AARS1: variants seen among roughly 807,000 people sequenced by gnomAD.
AARS1 encodes alanine--tRNA ligase, cytoplasmic.
Under a neutral mutation model 108.9 loss-of-function variants are expected in AARS1, and 72 were observed. The observed-to-expected ratio is 0.66, with a 90% confidence interval of 0.55 to 0.80. The LOEUF (loss-of-function observed/expected upper bound fraction) is 0.80. Ranked by LOEUF, AARS1 falls within the 30% of genes least tolerant of loss-of-function variation. AARS1 has a pLI of 0.00. For missense variants in AARS1, 1,193 were observed against 1,233.2 expected (o/e 0.97, Z 0.49); for synonymous variants, 489 against 465.7 (o/e 1.05, Z -0.64).
chr16:70,265,841 A>G (rs1173247781), intron 9 of AARS1, among the ~76,000 whole-genome samples, 179 bp from the exon 10 acceptor site: 1 of 152,222 alleles, frequency 6.6e-6, no homozygotes, highest in East Asian at 1.9e-4. Context: ...GGGAAGCACA[A>G]TGGATGTCCT....
chr16:70,282,888 G>T, intron 1 of AARS1, 104 bp from the exon 2 acceptor site: 1 of 1,154,804 alleles, frequency 8.7e-7, no homozygotes, highest in Non-Finnish European at 1.3e-6. Context: ...GCACGACTCA[G>T]GTGAGCTGTT....
chr16:70,266,301 A>C (rs948635318), intron 9 of AARS1, among the ~76,000 whole-genome samples: 2 of 148,982 alleles, frequency 1.3e-5, no homozygotes, highest in Non-Finnish European at 3.0e-5. Context: ...GCGACAGAGC[A>C]AGACTCTGTC....
At chr16:70,274,784 G>A (rs946384084) in intron 4 of AARS1, among the ~76,000 whole-genome samples, 1 of 151,860 alleles carries the variant, frequency 6.6e-6, no homozygotes, top group African/African-American at 2.4e-5. Flanking sequence ...ATACACACAA[G>A]GTTACAGAAC....
chr16:70,261,352 T>C (rs921874724), intron 12 of AARS1, 195 bp from the exon 13 acceptor site: 27 of 450,788 alleles, frequency 6.0e-5, no homozygotes, highest in Admixed American at 1.4e-4. Context: ...TCCCAGCACT[T>C]TGGGAGGCTC....
chr16:70,271,080 C>G (rs1477027765), intron 5 of AARS1, among the ~76,000 whole-genome samples: 2 of 151,914 alleles, frequency 1.3e-5, no homozygotes. Context: ...CAGGCTGAGG[C>G]AGGAGAATCG....
Position 70,277,140 on chromosome 16 carries a change from G to A in AARS1, c.159C>T (p.Phe53=). 6.2e-7 allele frequency: 1 copy of A among 1,614,162 alleles called. No individual in the cohort carries two copies. The highest frequency in any genetic ancestry group is 8.5e-7 in the Non-Finnish European group (1 of 1,180,042). The part of the protein sequence containing the change: ...NAGMNQFKPI[F]LNTIDPSHPM... The stretch of plus-strand genomic sequence containing the variant: ...GGTGAGATGGGTCAATTGTGTTCAG[G>A]AAAATGGGTTTAAACTAAAAGAGAA... Residue 53 remains phenylalanine, a synonymous_variant, in exon 3 of 21, where the codon TTC becomes TTT. Transcript: ENST00000261772.
Position 70,276,517 on chromosome 16 carries a change from G to T in AARS1, c.448C>A (p.Leu150Met), listed in dbSNP as rs375771906. The stretch of plus-strand genomic sequence containing the variant: ...TTTTGCCAGATCTGTTTGCATTCCA[G>T]ATCTGCTTCTAAGCCAGCTGCTTCA... ...GDEAAGLEAD[L>M]ECKQIWQNLG... Residue 150 changes from leucine (L) to methionine (M), a missense_variant, in exon 4 of 21, where the codon CTG becomes ATG. Transcript: ENST00000261772. 1.2e-6 allele frequency: 2 copies of T among 1,613,966 alleles called. No individual in the cohort carries two copies. Among genetic ancestry groups the T allele is most frequent in the Non-Finnish European group, 1.7e-6 (2 of 1,180,036 alleles).
At chr16:70,282,534 C>G in intron 2 of AARS1, 86 bp downstream of exon 2, 1 of 1,520,090 alleles carries the variant, frequency 6.6e-7, no homozygotes, top group East Asian at 2.3e-5. Flanking sequence ...GAACCAGAAT[C>G]GGTCTGACCC....
At position 70,253,790 on chromosome 16, in the gene AARS1, TTC is replaced by T; in HGVS notation, c.2529_2530del (p.Lys844AspfsTer29). ...GTTGCTGTCGATGAACTGCTTCGTCTTCTCTAACACCTGCAAGAAAAAAGTCC... is the reference window on the plus strand; with the variant it reads ...GTTGCTGTCGATGAACTGCTTCGTCTTCTAACACCTGCAAGAAAAAAGTCC... On this transcript the variant is annotated frameshift_variant, in exon 19 of 21. Coordinates refer to ENST00000261772, the MANE Select transcript of AARS1 (RefSeq NM_001605.3). LOFTEE classifies it high-confidence loss of function. The T allele has an allele frequency of 6.2e-7, 1 of 1,614,210 alleles. No homozygotes were observed. The highest frequency in any genetic ancestry group is 8.5e-7 in the Non-Finnish European group (1 of 1,180,046).
intron 11 of AARS1, among the ~76,000 whole-genome samples, chr16:70,263,330 G>C (rs75029357): frequency 8.2e-4 from 125 of 152,268 alleles, no homozygotes; most frequent in African/African-American, 2.7e-3. Flanking sequence ...CTGGCACTTT[G>C]TGAGGCTGAG....
chr16:70,262,504 T>C lies in AARS1; in HGVS notation c.1513A>G (p.Thr505Ala). Residue 505 changes from threonine to alanine, a missense_variant, in exon 12 of 21, where the codon ACG becomes GCG. Coordinates refer to ENST00000261772, the MANE Select transcript of AARS1 (RefSeq NM_001605.3). ...TTCTCCCTGCGCAGAGCCATCACCG[T>C]AGCCACTGTGTTCTCAAATACTGCT... ...GSYVFENTVA[T>A]VMALRREKMF... 1 of 1,613,512 alleles carries C rather than the reference T, an allele frequency of 6.2e-7. No individual in the cohort carries two copies. The highest frequency in any genetic ancestry group is 8.5e-7 in the Non-Finnish European group (1 of 1,179,476).
intron 12 of AARS1, among the ~76,000 whole-genome samples, chr16:70,261,585 G>A (rs1381992685): frequency 2.3e-4 from 30 of 132,840 alleles, no homozygotes; most frequent in South Asian, 4.9e-4. Flanking sequence ...GCTACAGAGC[G>A]AGACTCCATC....
At chr16:70,262,545 G>C in intron 11 of AARS1, 21 bp from the exon 12 acceptor site, 2 of 1,599,894 alleles carry the variant, frequency 1.3e-6, no homozygotes, top group Non-Finnish European at 1.7e-6. Context: ...GAAATGCATA[G>C]AAAGGGGACA....
intron 1 of AARS1, 47 bp downstream of exon 1, chr16:70,289,374 G>A (rs567624924): frequency 2.8e-6 from 1 of 355,316 alleles, no homozygotes; most frequent in Non-Finnish European, 5.6e-6. Context: ...CAGTCTGCGG[G>A]CCCAGCCGCT....
In AARS1 at chr16:70,282,620, C is replaced by G; in HGVS notation, c.144G>C (p.Gln48His). The G allele has an allele frequency of 6.2e-7, 1 of 1,614,126 alleles. No individual in the cohort carries two copies. The highest frequency in any genetic ancestry group is 2.2e-5 in the East Asian group (1 of 44,876). The change falls in exon 2 of 21, where the codon CAG becomes CAC. Residue 48 changes from glutamine to histidine, a missense_variant and splice_region_variant. Transcript: ENST00000261772. ...TLLFANAGMN[Q>H]FKPIFLNTID... is the part of the protein sequence containing the mutation. ...CCAAGAAAAAAGGAAAAACCCTTAC[C>G]TGGTTCATGCCTGCATTGGCAAAGA...
intron 1 of AARS1, among the ~76,000 whole-genome samples, chr16:70,287,456 G>T (rs1384082189): frequency 1.3e-5 from 2 of 150,028 alleles, no homozygotes; most frequent in Non-Finnish European, 3.0e-5. Flanking sequence ...GTCTCGCTCT[G>T]TCACCCAGGC....
intron 2 of AARS1, among the ~76,000 whole-genome samples, chr16:70,278,196 T>C (rs1960598109): frequency 6.6e-6 from 1 of 151,974 alleles, no homozygotes; most frequent in African/African-American, 2.4e-5. Flanking sequence ...CTGGGAAACA[T>C]AAGGAGACCC....
At position 70,252,451 on chromosome 16, in the gene AARS1, G is replaced by A. The variant is rs1429478333; in HGVS notation, c.*270C>T. On this transcript the variant is annotated 3_prime_UTR_variant, in exon 21 of 21. Transcript: ENST00000261772. ...CGATTCCTACTTGCTGACGCGGAAA[G>A]CTCAGGTCTGGAGAGCCGTTATCTA... 3 of 534,204 alleles carry A rather than the reference G, an allele frequency of 5.6e-6. No homozygotes were observed. In the African/African-American group the frequency reaches 5.7e-5, roughly 10 times the overall value. The allele number at this position is 534,204 out of a possible 1,614,324, so 33.1% of individuals were successfully genotyped here.
intron 15 of AARS1, among the ~76,000 whole-genome samples, chr16:70,257,076 C>T (rs1221274687): frequency 3.3e-5 from 5 of 151,948 alleles, no homozygotes; most frequent in African/African-American, 9.7e-5. Context: ...GGTGAAACCC[C>T]ATCTCTACTA....
Sources: gnomAD v4.1 joint callset for allele counts (sites outside exome capture counted in the v4.1 genomes callset) on GRCh38, gnomAD v4.1.1 for gene constraint, MANE v1.5 for transcripts, NCBI Gene and HGNC (gene_info 2026-07-23, HGNC 2026-07-21) for gene names.